The following RPN2 variants were observed in gnomAD, a reference collection of about 807,000 sequenced individuals.
The protein encoded by RPN2 is dolichyl-diphosphooligosaccharide--protein glycosyltransferase subunit 2.
RPN2 carries 29 observed loss-of-function variants against 71.4 expected under a neutral mutation model. That is an observed-to-expected ratio of 0.41 (90% CI 0.30 to 0.55). The LOEUF (loss-of-function observed/expected upper bound fraction) is 0.55, where lower values mean the gene tolerates loss of function less well. RPN2 is among the 20% of genes least tolerant of loss of function. The pLI, the probability that RPN2 is intolerant of heterozygous loss-of-function variation, is 0.35. For missense variants in RPN2, 726 were observed against 774.1 expected (o/e 0.94, Z 0.74); for synonymous variants, 308 against 305.0 (o/e 1.01, Z -0.10).
chr20:37,197,460 A>T (rs936776442), intron 2 of RPN2, among the ~76,000 whole-genome samples: 41 of 152,260 alleles, frequency 2.7e-4, no homozygotes, highest in African/African-American at 9.6e-4. Flanking sequence ...AATGAAAAAG[A>T]GGTAGACTTG....
At chr20:37,179,593 C>T (rs1350431476) in intron 1 of RPN2, 7 of 1,195,166 alleles carry the variant, frequency 5.9e-6, no homozygotes, top group Non-Finnish European at 6.6e-6. Flanking sequence ...GGGTGCAGCG[C>T]GGAGCTACGG....
intron 10 of RPN2, among the ~76,000 whole-genome samples, chr20:37,225,171 C>T (rs998466602): frequency 3.9e-5 from 6 of 151,964 alleles, no homozygotes; most frequent in Admixed American, 2.6e-4. Context: ...AGTTTCAGGG[C>T]AGAAAACTAA....
chr20:37,179,476 G>T, intron 1 of RPN2, 107 bp downstream of exon 1: 1 of 1,426,100 alleles, frequency 7.0e-7, no homozygotes, highest in South Asian at 1.5e-5. Flanking sequence ...GCGGGACAGG[G>T]GCATGGGCAC....
intron 6 of RPN2, among the ~76,000 whole-genome samples, chr20:37,207,027 A>G (rs2067526271): frequency 6.6e-6 from 1 of 152,212 alleles, no homozygotes; most frequent in Admixed American, 6.5e-5. Context: ...ATAAGCACTT[A>G]TTAAATAACT....
At chr20:37,238,728 C>T (rs1382488406) in intron 16 of RPN2, 4 of 680,016 alleles carry the variant, frequency 5.9e-6, no homozygotes, top group South Asian at 1.4e-5. Flanking sequence ...CCTTATATCC[C>T]GTGGGGTACT....
chr20:37,222,100 G>A (rs777675747), intron 9 of RPN2, among the ~76,000 whole-genome samples: 6 of 152,220 alleles, frequency 3.9e-5, no homozygotes, highest in Non-Finnish European at 7.3e-5. Context: ...TACTTGTCGG[G>A]TTGTGTTTTT....
At chr20:37,193,676 T>C (rs2067194657) in intron 2 of RPN2, among the ~76,000 whole-genome samples, 1 of 152,182 alleles carries the variant, frequency 6.6e-6, no homozygotes, top group South Asian at 2.1e-4. Flanking sequence ...GACTTTCTGC[T>C]TCTGCTGCAT....
intron 9 of RPN2, among the ~76,000 whole-genome samples, chr20:37,219,230 G>T (rs2067894869): frequency 6.6e-6 from 1 of 152,098 alleles, no homozygotes; most frequent in Non-Finnish European, 1.5e-5. Flanking sequence ...GTATAAAGTG[G>T]TGTCTCATTA....
intron 2 of RPN2, among the ~76,000 whole-genome samples, chr20:37,190,498 A>C (rs1305080769): frequency 6.6e-6 from 1 of 151,236 alleles, no homozygotes; most frequent in East Asian, 1.9e-4. Flanking sequence ...AGATGGAGAT[A>C]ATAATACTCA....
At chr20:37,182,196 T>C (rs147027192) in intron 1 of RPN2, among the ~76,000 whole-genome samples, 39 of 152,186 alleles carry the variant, frequency 2.6e-4, no homozygotes, top group African/African-American at 9.4e-4. Context: ...TGGGTTTAAG[T>C]GATTCTCCTG....
At chr20:37,236,526 G>T in intron 15 of RPN2, 54 bp from the exon 16 acceptor site, 6 of 1,601,744 alleles carry the variant, frequency 3.7e-6, no homozygotes, top group Middle Eastern at 1.7e-4. Context: ...TTCCTCAACC[G>T]CAGGGCATCA....
In RPN2 at chr20:37,211,397, G is replaced by A. The variant is rs186082884; in HGVS notation, c.986+1232G>A. Among the ~76,000 whole-genome samples, 780 of 150,600 alleles carry A rather than the reference G, an allele frequency of 5.2e-3. 5 individuals carry two copies. The highest frequency in any genetic ancestry group is 0.018 in the African/African-American group (743 of 41,328). On this transcript the variant is annotated intron_variant, in intron 8 of 16. Transcript: ENST00000237530. ...TCACGCCTGTAATCCCAGCACTTTG[G>A]GGGGGCCAAGGTGGGCGGATCACTT...
intron 4 of RPN2, 148 bp from the exon 5 acceptor site, chr20:37,203,737 A>G: frequency 1.4e-6 from 1 of 708,382 alleles, no homozygotes; most frequent in Non-Finnish European, 2.6e-6. Context: ...TCCTAACTGG[A>G]TTATAAGTAA....
At chr20:37,218,191 C>T (rs1420292920) in intron 9 of RPN2, among the ~76,000 whole-genome samples, 9 of 152,120 alleles carry the variant, frequency 5.9e-5, no homozygotes, top group African/African-American at 1.4e-4. Flanking sequence ...GTGGGAGGAT[C>T]GCTTGAGCCC....
chr20:37,211,415 G>T (rs2067662354), intron 8 of RPN2, among the ~76,000 whole-genome samples: 1 of 150,676 alleles, frequency 6.6e-6, no homozygotes. Context: ...AAGGTGGGCG[G>T]ATCACTTGAG....
chr20:37,213,687 T>G (rs1282321039), intron 8 of RPN2, 73 bp from the exon 9 acceptor site: 2 of 1,159,766 alleles, frequency 1.7e-6, no homozygotes, highest in Non-Finnish European at 2.6e-6. Context: ...AGGAGACATT[T>G]TGTAGCTCCT....
Position 37,184,205 on chromosome 20 carries a change from C to T in RPN2, c.39C>T (p.Ala13=). The T allele has an allele frequency of 6.2e-7, 1 of 1,614,162 alleles. No individual in the cohort carries two copies. Among genetic ancestry groups the T allele is most frequent in the Non-Finnish European group, 8.5e-7 (1 of 1,180,030 alleles). The change falls in exon 2 of 17, where the codon GCC becomes GCT. Residue 13 remains alanine (A), a synonymous_variant. Coordinates refer to ENST00000237530, the MANE Select transcript of RPN2 (RefSeq NM_002951.5). ...PPGSSTVFLL[A]LTIIASTWAL... ...GTTCAAGCACTGTCTTCCTGTTGGCCCTGACAATCATAGCCAGCACCTGGG... is the reference window on the plus strand; with the variant it reads ...GTTCAAGCACTGTCTTCCTGTTGGCTCTGACAATCATAGCCAGCACCTGGG...
At chr20:37,234,509 T>A (rs1048097875) in intron 15 of RPN2, among the ~76,000 whole-genome samples, 5 of 152,192 alleles carry the variant, frequency 3.3e-5, no homozygotes, top group Admixed American at 2.0e-4. Flanking sequence ...TAGAAAACAG[T>A]CCTTTCCACA....
intron 2 of RPN2, among the ~76,000 whole-genome samples, chr20:37,192,580 G>A (rs11699298): frequency 0.74 from 112,475 of 152,084 alleles, 42,053 homozygotes; most frequent in Middle Eastern, 0.85. Flanking sequence ...TGTGCACTAG[G>A]TATAGTGCTA....
Sources: allele counts gnomAD v4.1 joint callset (sites outside exome capture counted in the v4.1 genomes callset), GRCh38; gene constraint gnomAD v4.1.1; transcripts MANE v1.5; gene names NCBI Gene and HGNC (gene_info 2026-07-23, HGNC 2026-07-21).